Variants in TUB observed in about 807,000 individuals in gnomAD.
The protein encoded by TUB is TUB bipartite transcription factor.
A neutral mutation model predicts 59.7 loss-of-function variants in TUB; 33 were observed. That is an observed-to-expected ratio of 0.55 (90% confidence interval 0.42 to 0.74). TUB has a LOEUF of 0.74. TUB is among the 30% of genes least tolerant of loss of function. The pLI, the probability that TUB is intolerant of heterozygous loss-of-function variation, is 0.00. For missense variants in TUB, 659 were observed against 672.0 expected (o/e 0.98, Z 0.21); for synonymous variants, 293 against 256.4 (o/e 1.14, Z -1.36).
chr11:8,092,023 G>T (rs1257637433), intron 3 of TUB, among the ~76,000 whole-genome samples: 1 of 152,234 alleles, frequency 6.6e-6, no homozygotes, highest in African/African-American at 2.4e-5. Flanking sequence ...GGCCAACATC[G>T]TGAGAGGTCA....
rs114887067 is a variant in TUB at position 8,060,606 on chromosome 11, T to A, written c.203+20914T>A. ...AGCCCCAGGGTCACCCAGAAGCATCTCCAGGAAGCAGGAGTTGAGGGTGAT... is the reference window on the plus strand; with the variant it reads ...AGCCCCAGGGTCACCCAGAAGCATCACCAGGAAGCAGGAGTTGAGGGTGAT... On this transcript the variant is annotated intron_variant, in intron 2 of 12. Transcript: ENST00000305253. Among the ~76,000 whole-genome samples, 518 of 152,240 alleles carry A rather than the reference T, an allele frequency of 3.4e-3. 1 individual carries two copies. Among genetic ancestry groups the A allele is most frequent in the African/African-American group, 0.012 (478 of 41,538 alleles).
At chr11:8,072,549 C>A (rs558319644) in intron 2 of TUB, among the ~76,000 whole-genome samples, 5 of 152,202 alleles carry the variant, frequency 3.3e-5, no homozygotes, top group Non-Finnish European at 5.9e-5. Flanking sequence ...ACAGTGCTGG[C>A]CCTGTGTGAG....
At chr11:8,051,291 A>G (rs1240383056) in intron 2 of TUB, among the ~76,000 whole-genome samples, 1 of 152,120 alleles carries the variant, frequency 6.6e-6, no homozygotes, top group African/African-American at 2.4e-5. Flanking sequence ...TGTCATCTAA[A>G]TTTTTCATGT....
intron 1 of TUB, among the ~76,000 whole-genome samples, chr11:8,085,265 AAG>A (rs1317001319): frequency 6.6e-6 from 1 of 152,164 alleles, no homozygotes; most frequent in African/African-American, 2.4e-5. Flanking sequence ...TGCTTTTACA[AAG>A]AGAGAGAGGA....
chr11:8,027,219 G>C (rs1476836678), intron 1 of TUB, among the ~76,000 whole-genome samples: 3 of 152,106 alleles, frequency 2.0e-5, no homozygotes. Flanking sequence ...TATTTTCAGA[G>C]CCTTTTTATT....
Position 8,081,457 on chromosome 11 carries a change from C to G in TUB, c.-54C>G. 7.1e-7 allele frequency: 1 copy of G among 1,400,978 alleles called. No homozygotes were observed. The highest frequency in any genetic ancestry group is 3.1e-5 in the East Asian group (1 of 32,144). The allele number at this position is 1,400,978 out of a possible 1,614,324, so 86.8% of individuals were successfully genotyped here. A position where few individuals can be genotyped will look rare whatever the true frequency, so the allele number is the denominator to read the frequency against. On this transcript the variant is annotated 5_prime_UTR_variant, in exon 1 of 12. Transcript: ENST00000299506. ...GAGCTGAGCAGGGCCCCCGCGCCGG[C>G]CCCTCCGGGCCCCGGCCTCCAGAGC...
intron 2 of TUB, among the ~76,000 whole-genome samples, chr11:8,057,875 C>T (rs1943044383): frequency 6.6e-6 from 1 of 152,130 alleles, no homozygotes; most frequent in African/African-American, 2.4e-5. Context: ...GTTCTGTCAG[C>T]TTTTAATATT....
At chr11:8,020,284 G>A (rs908741831) in intron 1 of TUB, among the ~76,000 whole-genome samples, 1 of 152,000 alleles carries the variant, frequency 6.6e-6, no homozygotes, top group Non-Finnish European at 1.5e-5. Flanking sequence ...AGGGCTGGAA[G>A]ACAAACTTCA....
chr11:8,049,669 T>C (rs779404109), intron 2 of TUB, among the ~76,000 whole-genome samples: 1 of 151,600 alleles, frequency 6.6e-6, no homozygotes, highest in Non-Finnish European at 1.5e-5. Flanking sequence ...TTATGTAATT[T>C]TATTATATAA....
intron 1 of TUB, among the ~76,000 whole-genome samples, chr11:8,033,244 T>G (rs1942601442): frequency 6.6e-6 from 1 of 152,198 alleles, no homozygotes; most frequent in Non-Finnish European, 1.5e-5. Flanking sequence ...GGTTCCCTTT[T>G]GTACGTCTGA....
At chr11:8,070,893 A>C (rs1377883271) in intron 2 of TUB, among the ~76,000 whole-genome samples, 1 of 152,188 alleles carries the variant, frequency 6.6e-6, no homozygotes, top group East Asian at 1.9e-4. Flanking sequence ...CAGCAGGTGC[A>C]AGGATAGATT....
chr11:8,069,401 G>A (rs199683235), intron 2 of TUB: 3 of 4,266 alleles, frequency 7.0e-4, no homozygotes, highest in African/African-American at 2.7e-4. Flanking sequence ...TATTCTTTCG[G>A]GGGGGGGGGG....
At position 8,101,675 on chromosome 11, in the gene TUB, C is replaced by A; in HGVS notation, c.*56C>A. ...GCCTGGAGCGGAGCTTGCCTGCCTG[C>A]CTGTGGAGACAGCCCTGCCTATCCT... On this transcript the variant is annotated 3_prime_UTR_variant, in exon 12 of 12. Transcript: ENST00000299506. 1 of 1,594,752 alleles carries A rather than the reference C, an allele frequency of 6.3e-7. No homozygotes were observed. Among genetic ancestry groups the A allele is most frequent in the African/African-American group, 1.3e-5 (1 of 74,742 alleles).
chr11:8,068,362 A>C (rs966790524), intron 2 of TUB: 3 of 152,406 alleles, frequency 2.0e-5, no homozygotes, highest in African/African-American at 7.2e-5. Context: ...GCTTCACCAC[A>C]GACCCTGCTG....
At chr11:8,069,136 G>A (rs1943307040) in intron 2 of TUB, 1 of 152,228 alleles carries the variant, frequency 6.6e-6, no homozygotes, top group Non-Finnish European at 1.5e-5. Context: ...ACTCCACAGG[G>A]AGGAGTTGTG....
upstream of TUB, chr11:8,076,802 G>A (rs564882557): frequency 6.6e-6 from 1 of 152,228 alleles, no homozygotes; most frequent in South Asian, 2.1e-4. Flanking sequence ...TGTAGATTAT[G>A]CTTTTGTGTG....
intron 1 of TUB, among the ~76,000 whole-genome samples, chr11:8,032,044 T>G (rs371627413): frequency 7.6e-4 from 116 of 152,078 alleles, no homozygotes; most frequent in Middle Eastern, 3.4e-3. Context: ...AGAGACCCCC[T>G]GGGGTAAGGA....
At chr11:8,032,287 A>G (rs1942585562) in intron 1 of TUB, among the ~76,000 whole-genome samples, 1 of 152,178 alleles carries the variant, frequency 6.6e-6, no homozygotes, top group Non-Finnish European at 1.5e-5. Context: ...ACCACCAAGT[A>G]TCGCCCTACA....
At chr11:8,061,635 T>C (rs12362787) in intron 2 of TUB, among the ~76,000 whole-genome samples, 72,492 of 151,800 alleles carry the variant, frequency 0.48, 20,100 homozygotes, top group Middle Eastern at 0.63. Context: ...GTTTGCTCTG[T>C]GCCCCTTTAG....
Sources: gnomAD v4.1 joint callset for allele counts (sites outside exome capture counted in the v4.1 genomes callset) on GRCh38, gnomAD v4.1.1 for gene constraint, MANE v1.5 for transcripts, NCBI Gene and HGNC (gene_info 2026-07-23, HGNC 2026-07-21) for gene names.